The following PIAS2 variants were observed in gnomAD, a reference collection of about 807,000 sequenced individuals.
PIAS2 encodes protein inhibitor of activated STAT 2, also known as E3 SUMO-protein ligase PIAS2.
A neutral mutation model predicts 69.7 loss-of-function variants in PIAS2; 19 were observed. The ratio of observed to expected loss-of-function variants is 0.27; its 90% CI spans 0.19 to 0.40. PIAS2 has a LOEUF of 0.40. Ranked by LOEUF, PIAS2 falls within the 10% of genes least tolerant of loss-of-function variation. The pLI is 1.00. For missense variants in PIAS2, 624 were observed against 757.0 expected (o/e 0.82, Z 2.06); for synonymous variants, 261 against 263.2 (o/e 0.99, Z 0.08).
Position 46,806,756 on chromosome 18 carries a change from A to G in PIAS2, c.*5677T>C, listed in dbSNP as rs971758970. On this transcript the variant is annotated 3_prime_UTR_variant, in exon 14 of 14. Transcript: ENST00000585916. Reference sequence around the variant, plus strand: ...TCCACGTGTACTTACAAAACACTCTAAACATTTATTAAACAGTTTGATGAA... The same window carrying G: ...TCCACGTGTACTTACAAAACACTCTGAACATTTATTAAACAGTTTGATGAA... 2 of 152,164 alleles carry G rather than the reference A, an allele frequency of 1.3e-5. No individual in the cohort carries two copies. The highest frequency in any genetic ancestry group is 2.1e-4 in the South Asian group (1 of 4,830). 9.4% of individuals were successfully genotyped at this position (152,164 alleles called of 1,614,324 possible). A position where few individuals can be genotyped will look rare whatever the true frequency, so the allele number is the denominator to read the frequency against.
intron 12 of PIAS2, chr18:46,818,296 C>CA: frequency 7.2e-7 from 1 of 1,380,290 alleles, no homozygotes; most frequent in Admixed American, 2.9e-5. Context: ...ATGGCACTAG[C>CA]AATAATAAGG....
At chr18:46,849,313 G>A (rs2046621010) in intron 5 of PIAS2, among the ~76,000 whole-genome samples, 1 of 152,108 alleles carries the variant, frequency 6.6e-6, no homozygotes. Context: ...CTGATAACTT[G>A]TATTCTACCT....
At chr18:46,826,446 C>A (rs1462574381) in intron 11 of PIAS2, among the ~76,000 whole-genome samples, 1 of 152,174 alleles carries the variant, frequency 6.6e-6, no homozygotes, top group Non-Finnish European at 1.5e-5. Flanking sequence ...TAGGCATGAC[C>A]TCTCAACCTG....
chr18:46,855,491 T>C, intron 4 of PIAS2, 56 bp from the exon 5 acceptor site: 1 of 1,573,830 alleles, frequency 6.4e-7, no homozygotes, highest in South Asian at 1.1e-5. Flanking sequence ...CATTCTTATA[T>C]GTTTTAAAAT....
At chr18:46,905,758 T>C (rs934804530) in intron 1 of PIAS2, 4 of 152,170 alleles carry the variant, frequency 2.6e-5, no homozygotes, top group Admixed American at 6.5e-5. Flanking sequence ...CTTGAAAATA[T>C]GAACAGTCCT....
At position 46,805,251 on chromosome 18, in the gene PIAS2, T is replaced by C. The variant is rs1324847629; in HGVS notation, c.*7182A>G. 6.6e-6 allele frequency: 1 copy of C among 152,158 alleles called. No homozygotes were observed. Among genetic ancestry groups the C allele is most frequent in the Non-Finnish European group, 1.5e-5 (1 of 68,068 alleles). The allele number at this position is 152,158 out of a possible 1,614,324, so 9.4% of individuals were successfully genotyped here. On this transcript the variant is annotated 3_prime_UTR_variant, in exon 14 of 14. Coordinates refer to ENST00000585916, the MANE Select transcript of PIAS2 (RefSeq NM_004671.5). ...CAAGGCTGCAATAATGAAAGAACAG[T>C]CTGGACAAGTAGCAAAGAGGAAAAC...
chr18:46,871,811 T>C (rs1817306843), intron 2 of PIAS2, among the ~76,000 whole-genome samples: 1 of 152,194 alleles, frequency 6.6e-6, no homozygotes, highest in African/African-American at 2.4e-5. Context: ...TTTCTGTTAA[T>C]CCCTGAGGCA....
chr18:46,893,923 C>CA (rs1478618439), intron 1 of PIAS2, among the ~76,000 whole-genome samples: 1 of 152,106 alleles, frequency 6.6e-6, no homozygotes, highest in African/African-American at 2.4e-5. Context: ...GTCAGGAGTT[C>CA]AAGACCAGCC....
At chr18:46,903,346 C>T (rs1243796014) in intron 1 of PIAS2, among the ~76,000 whole-genome samples, 2 of 151,914 alleles carry the variant, frequency 1.3e-5, no homozygotes, top group Non-Finnish European at 2.9e-5. Context: ...ATACTTAGAA[C>T]TCTCAAAACT....
rs1156454056 is a variant in PIAS2 at position 46,917,369 on chromosome 18, C to CGCCGCT, written c.-30_-25dup. 1.4e-6 allele frequency: 2 copies of CGCCGCT among 1,455,574 alleles called. No homozygotes were observed. Among genetic ancestry groups the CGCCGCT allele is most frequent in the Non-Finnish European group, 1.8e-6 (2 of 1,098,024 alleles). 90.2% of individuals were successfully genotyped at this position (1,455,574 alleles called of 1,614,324 possible). A position where few individuals can be genotyped will look rare whatever the true frequency, so the allele number is the denominator to read the frequency against. On this transcript the variant is annotated 5_prime_UTR_variant, in exon 1 of 14. Coordinates refer to ENST00000585916, the MANE Select transcript of PIAS2 (RefSeq NM_004671.5). Reference sequence around the variant, plus strand: ...ATTTTATACCACCCGCGGGCGCCGCCGCCGCTGCCGCCGCACCCACTCCCG... The same window carrying CGCCGCT: ...ATTTTATACCACCCGCGGGCGCCGCCGCCGCTGCCGCTGCCGCCGCACCCACTCCCG...
intron 11 of PIAS2, among the ~76,000 whole-genome samples, chr18:46,824,781 T>A (rs1457458237): frequency 1.3e-5 from 2 of 150,974 alleles, no homozygotes. Context: ...GACAGGTGGA[T>A]GGCTTGAGCT....
upstream of PIAS2, chr18:46,919,954 T>G (rs2058440611): frequency 1.5e-6 from 1 of 678,472 alleles, no homozygotes; most frequent in Non-Finnish European, 2.3e-6. Flanking sequence ...AATAGACGAA[T>G]AGAGTACAAT....
At chr18:46,854,833 C>T (rs1568534442) in intron 5 of PIAS2, among the ~76,000 whole-genome samples, 1 of 152,164 alleles carries the variant, frequency 6.6e-6, no homozygotes, top group Non-Finnish European at 1.5e-5. Context: ...CCCATGCCAT[C>T]CACAGGCCAG....
upstream of PIAS2, chr18:46,917,651 C>A: frequency 1.3e-6 from 1 of 743,830 alleles, no homozygotes; most frequent in Non-Finnish European, 1.6e-6. Context: ...CGTGCTGCCC[C>A]GCGGCTTGGC....
chr18:46,880,323 G>A (rs955355111), intron 2 of PIAS2, among the ~76,000 whole-genome samples: 9 of 152,142 alleles, frequency 5.9e-5, no homozygotes, highest in African/African-American at 1.9e-4. Context: ...AGGTTAGGCT[G>A]CAGTGAGCTG....
At chr18:46,883,965 T>G (rs558253036) in intron 2 of PIAS2, among the ~76,000 whole-genome samples, 1 of 152,270 alleles carries the variant, frequency 6.6e-6, no homozygotes, top group African/African-American at 2.4e-5. Flanking sequence ...GCCACTGTAC[T>G]CCAGCCTGAA....
intron 2 of PIAS2, among the ~76,000 whole-genome samples, chr18:46,876,259 G>A (rs1226521572): frequency 6.6e-6 from 1 of 152,206 alleles, no homozygotes; most frequent in Non-Finnish European, 1.5e-5. Flanking sequence ...TAGCCCTCAT[G>A]GGTCCTTTGA....
At chr18:46,864,340 C>A (rs941390397) in intron 2 of PIAS2, 92 bp from the exon 3 acceptor site, 3 of 728,336 alleles carry the variant, frequency 4.1e-6, no homozygotes, top group Non-Finnish European at 2.3e-6. Context: ...TATAAAGTAC[C>A]TGCCAAATTC....
chr18:46,895,202 G>A (rs921671406), intron 1 of PIAS2, among the ~76,000 whole-genome samples: 3 of 151,982 alleles, frequency 2.0e-5, no homozygotes, highest in African/African-American at 7.2e-5. Context: ...CTGCAATAAC[G>A]GCCTAGAATT....
Sources: gnomAD v4.1 joint callset for allele counts (sites outside exome capture counted in the v4.1 genomes callset) on GRCh38, gnomAD v4.1.1 for gene constraint, MANE v1.5 for transcripts, NCBI Gene and HGNC (gene_info 2026-07-23, HGNC 2026-07-21) for gene names.